Variants in CCT3 observed in about 807,000 individuals in gnomAD.
CCT3 encodes the protein chaperonin containing TCP1 subunit 3.
In CCT3, 10 loss-of-function variants were observed where a neutral mutation model predicts 65.3. That is an observed-to-expected ratio of 0.15 (90% CI 0.09 to 0.26). CCT3 has a LOEUF of 0.26. Among genes scored for constraint, CCT3 ranks in the 10% least tolerant of loss-of-function variants. The pLI is 1.00. For synonymous variants in CCT3, 225 were observed against 242.3 expected, an observed-to-expected ratio of 0.93 and a Z score of 0.66; for missense variants, 626 against 708.7, an observed-to-expected ratio of 0.88 and a Z score of 1.33.
chr1:156,331,749 T>C (rs1185074516), intron 5 of CCT3, among the ~76,000 whole-genome samples: 1 of 149,844 alleles, frequency 6.7e-6, no homozygotes, highest in Non-Finnish European at 1.5e-5. Flanking sequence ...ATAGTCCCTC[T>C]CAGGCCAGGC....
chr1:156,329,527 G>A (rs1665014474), intron 5 of CCT3, among the ~76,000 whole-genome samples: 1 of 151,690 alleles, frequency 6.6e-6, no homozygotes. Context: ...GGATGGTCTC[G>A]AATTCCAGAC....
At chr1:156,321,808 C>G (rs1278800493) in intron 6 of CCT3, among the ~76,000 whole-genome samples, 1 of 152,214 alleles carries the variant, frequency 6.6e-6, no homozygotes, top group East Asian at 1.9e-4. Context: ...TGTCACTGCA[C>G]GACAGCCTGG....
intron 1 of CCT3, chr1:156,337,052 G>C: frequency 2.3e-6 from 3 of 1,281,970 alleles, no homozygotes; most frequent in Non-Finnish European, 3.0e-6. Context: ...ATGAGGTACA[G>C]AAGTTACACA....
At chr1:156,337,712 G>A (rs1020818882) in intron 1 of CCT3, 4 of 183,626 alleles carry the variant, frequency 2.2e-5, no homozygotes, top group African/African-American at 9.5e-5. Flanking sequence ...AGGAAATACT[G>A]TTAACTCCGT....
In CCT3 at chr1:156,336,416, G is replaced by A. The variant is rs1665359627; in HGVS notation, c.32-528C>T. 2.7e-5 allele frequency among the ~76,000 whole-genome samples: 4 copies of A among 150,412 alleles called. No individual in the cohort carries two copies. The Admixed American group carries it at 2.7e-4, about 10-fold the overall frequency. On this transcript the variant is annotated intron_variant, in intron 1 of 13. Coordinates refer to ENST00000295688, the MANE Select transcript of CCT3 (RefSeq NM_005998.5). The stretch of plus-strand genomic sequence containing the variant: ...GGATTCACATTTTTCTGCTTGGATA[G>A]GGGGATCATACTCTAACAGGTCCAG...
chr1:156,337,876 G>A, intron 1 of CCT3: 1 of 505,118 alleles, frequency 2.0e-6, no homozygotes, highest in Admixed American at 3.6e-5. Flanking sequence ...GGGAAGCGTG[G>A]GGGCTGAGGG....
intron 3 of CCT3, 44 bp downstream of exon 3, chr1:156,334,824 G>GA: frequency 1.2e-6 from 2 of 1,613,452 alleles, no homozygotes; most frequent in Non-Finnish European, 1.7e-6. Context: ...ATAACAGGAA[G>GA]AAAAAAATTG....
chr1:156,332,127 G>A (rs755856164), intron 5 of CCT3, among the ~76,000 whole-genome samples: 3 of 152,010 alleles, frequency 2.0e-5, no homozygotes, highest in Non-Finnish European at 2.9e-5. Flanking sequence ...CTGCCTCACC[G>A]ACCTCAGCCT....
chr1:156,327,309 CCT>C (rs978324213), intron 5 of CCT3, among the ~76,000 whole-genome samples: 2 of 151,524 alleles, frequency 1.3e-5, no homozygotes, highest in Non-Finnish European at 3.0e-5. Context: ...TCTCCCTCTC[CCT>C]CTCTTTCCAC....
At chr1:156,322,120 AGT>A in intron 6 of CCT3, among the ~76,000 whole-genome samples, 1 of 152,324 alleles carries the variant, frequency 6.6e-6, no homozygotes, top group East Asian at 1.9e-4. Context: ...ACATACCTAT[AGT>A]CCTAGCTACT....
At chr1:156,333,168 C>G (rs1665182217) in intron 5 of CCT3, 1 of 258,406 alleles carries the variant, frequency 3.9e-6, no homozygotes, top group African/African-American at 2.4e-5. Flanking sequence ...TGGCACGTGA[C>G]TATAGTCCCA....
intron 6 of CCT3, among the ~76,000 whole-genome samples, 155 bp from the exon 7 acceptor site, chr1:156,321,180 C>A (rs994098703): frequency 6.6e-6 from 1 of 152,172 alleles, no homozygotes; most frequent in African/African-American, 2.4e-5. Flanking sequence ...TAGGAGGTAA[C>A]CTTTGTCCAT....
intron 1 of CCT3, chr1:156,337,834 C>G: frequency 2.3e-6 from 1 of 433,190 alleles, no homozygotes; most frequent in South Asian, 4.4e-5. Context: ...AGCTACATAG[C>G]GACAATCAGG....
At chr1:156,329,912 C>G (rs1425671746) in intron 5 of CCT3, among the ~76,000 whole-genome samples, 1 of 151,130 alleles carries the variant, frequency 6.6e-6, no homozygotes, top group South Asian at 2.1e-4. Flanking sequence ...GCACTCCAGC[C>G]TGGGCGACAG....
chr1:156,309,327 AAG>A, intron 13 of CCT3, 24 bp from the exon 14 acceptor site: 1 of 1,496,332 alleles, frequency 6.7e-7, no homozygotes, highest in Non-Finnish European at 9.3e-7. Context: ...CACAGATGCA[AAG>A]AGGTCAGCAG....
chr1:156,312,703 C>T (rs1664135006), intron 10 of CCT3, among the ~76,000 whole-genome samples: 1 of 151,804 alleles, frequency 6.6e-6, no homozygotes, highest in Admixed American at 6.6e-5. Flanking sequence ...ACAAAAAAAA[C>T]TGAAGCCATC....
intron 5 of CCT3, chr1:156,333,245 A>G (rs1400684582): frequency 4.4e-5 from 13 of 297,666 alleles, no homozygotes; most frequent in Non-Finnish European, 7.0e-5. Flanking sequence ...GTGAGCCAAG[A>G]TCGCACCACC....
chr1:156,309,650 T>C lies in CCT3; in HGVS notation c.1534-347A>G, dbSNP rs371045504. Among the ~76,000 whole-genome samples the C allele has an allele frequency of 7.1e-4, 108 of 152,024 alleles. 1 individual carries two copies. Among genetic ancestry groups the C allele is most frequent in the African/African-American group, 2.5e-3 (105 of 41,516 alleles). ...CATGTTGGTCAGGCTGGTCTTGAAC[T>C]CCTGACCTCACGTGATCCACCTGCC... On this transcript the variant is annotated intron_variant, in intron 13 of 13. Coordinates refer to ENST00000295688, the MANE Select transcript of CCT3 (RefSeq NM_005998.5).
At chr1:156,327,600 G>T (rs1275604991) in intron 5 of CCT3, among the ~76,000 whole-genome samples, 2 of 152,270 alleles carry the variant, frequency 1.3e-5, no homozygotes, top group East Asian at 3.9e-4. Flanking sequence ...GTGCTCAATG[G>T]TGCCCAGGCT....
Sources: gnomAD v4.1 joint callset for allele counts (sites outside exome capture counted in the v4.1 genomes callset) on GRCh38, gnomAD v4.1.1 for gene constraint, MANE v1.5 for transcripts, NCBI Gene and HGNC (gene_info 2026-07-23, HGNC 2026-07-21) for gene names.